The following KIF13A variants were observed in gnomAD, a reference collection of about 807,000 sequenced individuals.
The protein encoded by KIF13A is kinesin-like protein KIF13A.
KIF13A carries 79 observed loss-of-function variants against 212.2 expected under a neutral mutation model. The ratio of observed to expected loss-of-function variants is 0.37; its 90% CI spans 0.31 to 0.45. KIF13A has a LOEUF of 0.45. Ranked by LOEUF, KIF13A falls within the 20% of genes least tolerant of loss-of-function variation. The pLI is 1.00. For synonymous variants in KIF13A, 789 were observed against 808.6 expected (o/e 0.98, Z 0.41); for missense variants, 1,901 against 2,209.0 (o/e 0.86, Z 2.79).
chr6:17,790,844 ACT>A (rs1241706975), intron 25 of KIF13A, among the ~76,000 whole-genome samples: 1 of 152,190 alleles, frequency 6.6e-6, no homozygotes, highest in Non-Finnish European at 1.5e-5. Context: ...ATTGGTCAGT[ACT>A]CTCTATTGAC....
rs369331502 is a variant in KIF13A, at chr6:17,837,124, C to T, written c.943-34G>A. 3.2e-6 allele frequency: 5 copies of T among 1,573,660 alleles called. No individual in the cohort carries two copies. In the African/African-American group the frequency reaches 6.7e-5, roughly 21 times the overall value. ...TATTTCAAACAGCATCTTAGGAAGC[C>T]CATTCCATGGACAACACATATGATA... On this transcript the variant is annotated intron_variant, in intron 10 of 38. Transcript: ENST00000259711. This position sits in a 1 kb window ranked among gnomAD's most constrained non-coding sequence, Gnocchi z 5.4.
At chr6:17,824,175 T>G (rs768705112) in intron 16 of KIF13A, among the ~76,000 whole-genome samples, 1 of 151,708 alleles carries the variant, frequency 6.6e-6, no homozygotes, top group Non-Finnish European at 1.5e-5. Context: ...CCCAAAGTGC[T>G]GCGATTTACA....
chr6:17,865,938 G>A (rs977281525), intron 4 of KIF13A, among the ~76,000 whole-genome samples: 2 of 152,170 alleles, frequency 1.3e-5, no homozygotes, highest in African/African-American at 4.8e-5. Context: ...CTGGCCATGA[G>A]CATGGTCTTT....
chr6:17,792,832 G>A (rs1761709510), intron 25 of KIF13A, among the ~76,000 whole-genome samples: 1 of 152,206 alleles, frequency 6.6e-6, no homozygotes, highest in Admixed American at 6.5e-5. Flanking sequence ...GACTTTGCCT[G>A]AAAGCCAGGA....
rs868349804 is a variant in KIF13A, at chr6:17,815,351, A to G, written c.2000+1669T>C. Among the ~76,000 whole-genome samples, 75 of 152,262 alleles carry G rather than the reference A, an allele frequency of 4.9e-4. 1 individual carries two copies. The Middle Eastern group carries it at 0.017, about 35-fold the overall frequency. On this transcript the variant is annotated intron_variant, in intron 17 of 38. Transcript: ENST00000259711. ...GGGCCTGACTCATGTCAGGCCTTCC[A>G]CAAGAGGTGGTGGAGCAGAGTCTTC...
rs771938511 is a variant in KIF13A, at chr6:17,831,268, CTGTT to C, written c.1267-37_1267-34del. The C allele has an allele frequency of 2.3e-5, 37 of 1,596,572 alleles. No homozygotes were observed. The South Asian group carries it at 3.2e-4, about 14-fold the overall frequency. ...CAAAAACAGACAAAAGAAGGAAACT[CTGTT>C]TGTTGTTCTATTCACAAGATGTATC... On this transcript the variant is annotated intron_variant, in intron 12 of 38. Coordinates refer to ENST00000259711, the MANE Select transcript of KIF13A (RefSeq NM_022113.6).
At chr6:17,841,986 T>C (rs1212979689) in intron 9 of KIF13A, among the ~76,000 whole-genome samples, 1 of 145,940 alleles carries the variant, frequency 6.9e-6, no homozygotes, top group East Asian at 2.0e-4. Flanking sequence ...TGTATGTATG[T>C]GTATATACAC....
At chr6:17,884,028 G>T (rs1232728473) in intron 3 of KIF13A, among the ~76,000 whole-genome samples, 1 of 152,192 alleles carries the variant, frequency 6.6e-6, no homozygotes, top group Admixed American at 6.5e-5. Flanking sequence ...TCTCCTTCCT[G>T]TAATTCTCTG....
rs1298413314 is a variant in KIF13A, at chr6:17,776,477, C to T, written c.4170+800G>A. ...TTCATGAAAAGCGTTTTTCAATTTA[C>T]AACTATATGAGTCTCTCTTATCTAT... On this transcript the variant is annotated intron_variant, in intron 34 of 38. Coordinates refer to ENST00000259711, the MANE Select transcript of KIF13A (RefSeq NM_022113.6). The surrounding 1 kb of genome is among the most constrained non-coding windows in gnomAD (Gnocchi z 4.6). Among the ~76,000 whole-genome samples the T allele has an allele frequency of 1.3e-5, 2 of 152,040 alleles. No individual in the cohort carries two copies. Among genetic ancestry groups the T allele is most frequent in the Non-Finnish European group, 2.9e-5 (2 of 67,998 alleles).
chr6:17,951,630 C>T lies in KIF13A; in HGVS notation c.146+35424G>A, dbSNP rs910553395. On this transcript the variant is annotated intron_variant, in intron 2 of 38. Transcript: ENST00000259711. The surrounding 1 kb of genome is among the most constrained non-coding windows in gnomAD (Gnocchi z 4.9). ...AGTCACTCTCCATTTCCCCCAATTC[C>T]CCCAAGCCTAGGCAACCATTAATCT... Among the ~76,000 whole-genome samples, 12 of 151,510 alleles carry T rather than the reference C, an allele frequency of 7.9e-5. No individual in the cohort carries two copies. Among genetic ancestry groups the T allele is most frequent in the Admixed American group, 3.3e-4 (5 of 15,220 alleles).
intron 23 of KIF13A, among the ~76,000 whole-genome samples, chr6:17,796,174 C>T (rs1054002521): frequency 6.7e-6 from 1 of 149,100 alleles, no homozygotes; most frequent in East Asian, 2.0e-4. Flanking sequence ...AATTCAAAGC[C>T]TGTATTCTTT....
intron 2 of KIF13A, among the ~76,000 whole-genome samples, chr6:17,909,431 G>T (rs1482109540): frequency 6.6e-6 from 1 of 151,710 alleles, no homozygotes; most frequent in Non-Finnish European, 1.5e-5. Context: ...AGCTACTTGG[G>T]AGGTTGAGGC....
In KIF13A at chr6:17,867,449, A is replaced by G. The variant is rs543910634; in HGVS notation, c.220+5928T>C. 5.9e-5 allele frequency among the ~76,000 whole-genome samples: 9 copies of G among 152,334 alleles called. No homozygotes were observed. In the South Asian group the frequency reaches 1.9e-3, roughly 32 times the overall value. Reference sequence around the variant, plus strand: ...CTAGCATTGCTCATAACTATAGGGAAAACTTTTATGGTTTAAACCCAATAG... The same window carrying G: ...CTAGCATTGCTCATAACTATAGGGAGAACTTTTATGGTTTAAACCCAATAG... On this transcript the variant is annotated intron_variant, in intron 4 of 38. Transcript: ENST00000259711.
intron 25 of KIF13A, among the ~76,000 whole-genome samples, chr6:17,793,522 A>G (rs978858966): frequency 6.6e-6 from 1 of 152,226 alleles, no homozygotes; most frequent in South Asian, 2.1e-4. Flanking sequence ...AGATTTAATG[A>G]GCAAAAATGA....
intron 6 of KIF13A, among the ~76,000 whole-genome samples, chr6:17,854,657 G>A (rs1767985961): frequency 7.3e-6 from 1 of 136,280 alleles, no homozygotes; most frequent in South Asian, 2.4e-4. Flanking sequence ...CTGGGTTCAA[G>A]TGATTCTCCT....
intron 9 of KIF13A, among the ~76,000 whole-genome samples, chr6:17,844,985 G>A (rs576871767): frequency 6.6e-6 from 1 of 152,278 alleles, no homozygotes; most frequent in South Asian, 2.1e-4. Context: ...TTTTCATGCT[G>A]CTGATAAAGA....
intron 3 of KIF13A, among the ~76,000 whole-genome samples, chr6:17,882,675 C>T (rs1184421937): frequency 2.6e-5 from 4 of 151,968 alleles, no homozygotes; most frequent in Non-Finnish European, 4.4e-5. Context: ...GATTCCCTTG[C>T]CTCAGCCTCC....
chr6:17,879,779 C>A (rs1770892115), intron 3 of KIF13A, among the ~76,000 whole-genome samples: 2 of 152,182 alleles, frequency 1.3e-5, no homozygotes, highest in Admixed American at 6.5e-5. Flanking sequence ...AACTATTACC[C>A]TTCCTTTCAT....
At chr6:17,880,141 A>C (rs181300666) in intron 3 of KIF13A, among the ~76,000 whole-genome samples, 1 of 152,014 alleles carries the variant, frequency 6.6e-6, no homozygotes, top group East Asian at 1.9e-4. Context: ...TTTTGTAGAG[A>C]TGGGGGCTCG....
Sources: allele counts gnomAD v4.1 joint callset (sites outside exome capture counted in the v4.1 genomes callset), GRCh38; gene constraint gnomAD v4.1.1; non-coding constraint Gnocchi (gnomAD v3.1); transcripts MANE v1.5; gene names NCBI Gene and HGNC (gene_info 2026-07-23, HGNC 2026-07-21).